Variants in FOXK2 observed in about 807,000 individuals in gnomAD.
FOXK2 encodes forkhead box protein K2.
FOXK2 carries 24 observed loss-of-function variants against 53.3 expected under a neutral mutation model. The observed-to-expected ratio is 0.45, with a 90% CI of 0.33 to 0.63. The LOEUF is 0.63. Among genes scored for constraint, FOXK2 ranks in the 30% least tolerant of loss-of-function variants. The probability of loss-of-function intolerance (pLI) is 0.03; values close to 1 mark genes in which losing one functional copy is unlikely to be tolerated. For synonymous variants in FOXK2, 505 were observed against 407.1 expected (o/e 1.24, Z -2.89); for missense variants, 952 against 910.5 (o/e 1.05, Z -0.59).
intron 8 of FOXK2, 124 bp downstream of exon 8, chr17:82,587,396 C>G: frequency 2.6e-6 from 2 of 771,702 alleles, no homozygotes; most frequent in Admixed American, 2.1e-5. Flanking sequence ...GTTTGCATTT[C>G]GAAGCTGCAG....
intron 1 of FOXK2, among the ~76,000 whole-genome samples, chr17:82,541,198 C>A (rs1467194287): frequency 6.6e-6 from 1 of 151,800 alleles, no homozygotes; most frequent in African/African-American, 2.4e-5. Flanking sequence ...GGTATAAGCA[C>A]AAGTAGGCCT....
chr17:82,575,194 T>C (rs2143056066), intron 4 of FOXK2, among the ~76,000 whole-genome samples: 1 of 152,198 alleles, frequency 6.6e-6, no homozygotes, highest in Non-Finnish European at 1.5e-5. Context: ...GTGCCCTGCC[T>C]GCTGCTCCTG....
intron 3 of FOXK2, among the ~76,000 whole-genome samples, chr17:82,569,593 A>G (rs2044890858): frequency 6.6e-6 from 1 of 152,234 alleles, no homozygotes; most frequent in African/African-American, 2.4e-5. Flanking sequence ...TAAATGTATC[A>G]TGAGCTTTTC....
At position 82,573,560 on chromosome 17, in the gene FOXK2, TCTCA is replaced by T. The variant is rs1260462443; in HGVS notation, c.909+1692_909+1695del. On this transcript the variant is annotated intron_variant, in intron 4 of 8. Transcript: ENST00000335255. Reference sequence around the variant, plus strand: ...CACTCTCTCTCTCTCTCTCTCTCTCTCTCACACACACACACACACACACACACAC... The same window carrying T: ...CACTCTCTCTCTCTCTCTCTCTCTCTCACACACACACACACACACACACAC... 9.7e-3 allele frequency among the ~76,000 whole-genome samples: 989 copies of T among 101,800 alleles called. 4 individuals are homozygous for T. The highest frequency in any genetic ancestry group is 0.026 in the African/African-American group (661 of 25,604). 66.8% of individuals were successfully genotyped at this position (101,800 alleles called of 152,430 possible).
At chr17:82,570,007 G>T (rs544796685) in intron 3 of FOXK2, among the ~76,000 whole-genome samples, 1 of 152,132 alleles carries the variant, frequency 6.6e-6, no homozygotes, top group African/African-American at 2.4e-5. Context: ...CGGATCACGA[G>T]GTCAGGAGAT....
chr17:82,580,659 A>G (rs1473546527), intron 4 of FOXK2, among the ~76,000 whole-genome samples: 5 of 2,080 alleles, frequency 2.4e-3, no homozygotes, highest in Non-Finnish European at 1.9e-3. Context: ...CATGTCACCC[A>G]TGAAGTAGCT....
chr17:82,552,681 A>G (rs1236045975), intron 1 of FOXK2, among the ~76,000 whole-genome samples: 1 of 152,140 alleles, frequency 6.6e-6, no homozygotes, highest in Non-Finnish European at 1.5e-5. Context: ...CTAGAGGTGA[A>G]GTTGTGTCCT....
chr17:82,586,670 G>C (rs772928044), intron 7 of FOXK2, among the ~76,000 whole-genome samples: 1 of 152,068 alleles, frequency 6.6e-6, no homozygotes, highest in Non-Finnish European at 1.5e-5. Flanking sequence ...GGGGGGCTGA[G>C]ACGGTCGGAT....
rs140638658 is a variant in FOXK2 at position 82,582,791 on chromosome 17, G to A, written c.960G>A (p.Pro320=). The part of the protein sequence containing the change: ...LSLNRYFIKV[P]RSQEEPGKGS... ...TGAATCGTTATTTCATCAAAGTGCC[G>A]CGTTCCCAGGAAGAACCAGGCAAAG... The change falls in exon 5 of 9, where the codon CCG becomes CCA. Residue 320 remains proline, a synonymous_variant. Transcript: ENST00000335255. 2.1e-4 allele frequency: 333 copies of A among 1,608,572 alleles called. No homozygotes were observed. The highest frequency in any genetic ancestry group is 2.5e-4 in the Non-Finnish European group (291 of 1,178,632).
intron 8 of FOXK2, chr17:82,594,060 CTCTG>C (rs902727182): frequency 3.3e-4 from 51 of 152,260 alleles, no homozygotes; most frequent in African/African-American, 1.2e-3. Flanking sequence ...GCTCCGGCGT[CTCTG>C]TCCACAGTAT....
At chr17:82,556,554 A>C (rs1599896356) in intron 1 of FOXK2, among the ~76,000 whole-genome samples, 1 of 135,386 alleles carries the variant, frequency 7.4e-6, no homozygotes, top group Admixed American at 7.4e-5. Flanking sequence ...CACCTCCCTC[A>C]CCTTGCTGGG....
chr17:82,556,184 G>A (rs913630120), intron 1 of FOXK2, among the ~76,000 whole-genome samples: 3 of 152,102 alleles, frequency 2.0e-5, no homozygotes, highest in Non-Finnish European at 4.4e-5. Context: ...GGTGGCTCAC[G>A]CCTGTAATCC....
Position 82,586,018 on chromosome 17 carries a change from C to G in FOXK2, c.1394C>G (p.Pro465Arg). ...CCAGTGACCACCTCGACCTCCCAGC[C>G]ACCCGTCGTGCAGACGGTTCACGTC... Reference protein sequence around the residue: ...ATPVTTSTSQPPVVQTVHVVH... With the variant: ...ATPVTTSTSQRPVVQTVHVVH... The change falls in exon 7 of 9, where the codon CCA becomes CGA. Residue 465 changes from proline (P) to arginine (R), a missense_variant. This residue lies in a region of FOXK2 where 551 missense variants were observed against 385.1 expected (regional missense o/e 1.43). Coordinates refer to ENST00000335255, the MANE Select transcript of FOXK2 (RefSeq NM_004514.4). The G allele has an allele frequency of 6.2e-7, 1 of 1,612,850 alleles. No homozygotes were observed. The highest frequency in any genetic ancestry group is 1.1e-5 in the South Asian group (1 of 91,088).
chr17:82,557,325 C>T (rs1332391869), intron 1 of FOXK2, among the ~76,000 whole-genome samples: 2 of 151,162 alleles, frequency 1.3e-5, no homozygotes, highest in East Asian at 3.9e-4. Flanking sequence ...AGCCACCGTG[C>T]CTGGCCTATT....
intron 1 of FOXK2, among the ~76,000 whole-genome samples, chr17:82,558,350 A>C (rs1384768510): frequency 6.6e-6 from 1 of 152,170 alleles, no homozygotes; most frequent in Non-Finnish European, 1.5e-5. Context: ...AACGAAAAGG[A>C]AACAGAACCG....
chr17:82,583,724 T>C (rs1598227851), intron 5 of FOXK2, among the ~76,000 whole-genome samples: 1 of 152,038 alleles, frequency 6.6e-6, no homozygotes, highest in South Asian at 2.1e-4. Flanking sequence ...GGCTCCACCG[T>C]CAGTGCACGG....
At chr17:82,585,794 C>T in intron 6 of FOXK2, 110 bp from the exon 7 acceptor site, 2 of 1,077,346 alleles carry the variant, frequency 1.9e-6, no homozygotes, top group Non-Finnish European at 2.7e-6. Context: ...AGGGCCATAT[C>T]CTATATTTTA....
chr17:82,581,014 G>A (rs533692759), intron 4 of FOXK2, among the ~76,000 whole-genome samples: 1 of 152,358 alleles, frequency 6.6e-6, no homozygotes, highest in East Asian at 1.9e-4. Flanking sequence ...GTTGTAAAGT[G>A]TTATTTTATA....
intron 1 of FOXK2, among the ~76,000 whole-genome samples, chr17:82,535,426 C>T (rs2144060261): frequency 6.6e-6 from 1 of 152,294 alleles, no homozygotes; most frequent in East Asian, 1.9e-4. Context: ...ATTCTTTCTG[C>T]CCATTTCAAA....
Sources: allele counts gnomAD v4.1 joint callset (sites outside exome capture counted in the v4.1 genomes callset), GRCh38; gene constraint gnomAD v4.1.1; regional missense constraint gnomAD v4.1.1; transcripts MANE v1.5; gene names NCBI Gene and HGNC (gene_info 2026-07-23, HGNC 2026-07-21).